The following DIAPH1 variants were observed in gnomAD, a reference collection of about 807,000 sequenced individuals.
DIAPH1 encodes the protein protein diaphanous homolog 1.
In DIAPH1, 46 loss-of-function variants were observed where a neutral mutation model predicts 140.7. That is an observed-to-expected ratio of 0.33 (90% CI 0.26 to 0.42). The LOEUF (loss-of-function observed/expected upper bound fraction) is 0.42. DIAPH1 is among the 10% of genes least tolerant of loss of function. DIAPH1 has a pLI of 1.00. For synonymous variants in DIAPH1, 565 were observed against 551.6 expected, an observed-to-expected ratio of 1.02 and a Z score of -0.34; for missense variants, 1,310 against 1,558.7, an observed-to-expected ratio of 0.84 and a Z score of 2.69.
chr5:141,598,741 G>A (rs1272609393), intron 1 of DIAPH1, among the ~76,000 whole-genome samples: 1 of 152,188 alleles, frequency 6.6e-6, no homozygotes, highest in East Asian at 1.9e-4. Flanking sequence ...TTTATTCCCT[G>A]TAAGGTCAAG....
At chr5:141,577,143 A>G (rs2099896079) in intron 12 of DIAPH1, among the ~76,000 whole-genome samples, 1 of 152,174 alleles carries the variant, frequency 6.6e-6, no homozygotes. Context: ...CCTTCCTGTG[A>G]TGGATAGTGC....
chr5:141,574,223 T>C lies in DIAPH1; in HGVS notation c.1642-15A>G. ...AGCTTGGCAACCTACAGAAATAACA[T>C]CAATGTGAGTACTTCTCACCCCACT... On this transcript the variant is annotated splice_polypyrimidine_tract_variant and intron_variant, in intron 15 of 27. Coordinates refer to ENST00000389054, the MANE Select transcript of DIAPH1 (RefSeq NM_005219.5). 13 of 1,613,786 alleles carry C rather than the reference T, an allele frequency of 8.1e-6. No homozygotes were observed. Among genetic ancestry groups the C allele is most frequent in the Non-Finnish European group, 1.1e-5 (13 of 1,179,900 alleles).
At chr5:141,613,187 C>G (rs1307093050) in intron 1 of DIAPH1, among the ~76,000 whole-genome samples, 1 of 152,162 alleles carries the variant, frequency 6.6e-6, no homozygotes, top group Non-Finnish European at 1.5e-5. Flanking sequence ...TAATTCAATT[C>G]CATTATGCTA....
intron 3 of DIAPH1, among the ~76,000 whole-genome samples, chr5:141,586,004 T>C (rs74765733): frequency 5.0e-4 from 76 of 152,352 alleles, no homozygotes; most frequent in Middle Eastern, 3.4e-3. Flanking sequence ...CTGGCACTAC[T>C]AGGCAAGTAT....
chr5:141,615,766 G>A (rs995567018), intron 1 of DIAPH1, among the ~76,000 whole-genome samples: 2 of 151,974 alleles, frequency 1.3e-5, no homozygotes, highest in East Asian at 1.9e-4. Context: ...AAAAATTCTC[G>A]CTAATGCTCC....
At chr5:141,518,648 T>G (rs1366160254) in intron 27 of DIAPH1, 1 of 357,500 alleles carries the variant, frequency 2.8e-6, no homozygotes, top group Non-Finnish European at 5.3e-6. Context: ...TCAGCCTCCC[T>G]AGTAGCTGGG....
chr5:141,560,699 ACT>A (rs2099893392), intron 18 of DIAPH1: 1 of 349,938 alleles, frequency 2.9e-6, no homozygotes, highest in Non-Finnish European at 5.7e-6. Flanking sequence ...CTAAATAAAT[ACT>A]GAGTAAACTG....
intron 7 of DIAPH1, 181 bp downstream of exon 7, chr5:141,582,131 G>A: frequency 5.4e-6 from 2 of 369,500 alleles, no homozygotes; most frequent in Non-Finnish European, 5.1e-6. Context: ...ACAGAAGTTA[G>A]AACTGAGAAA....
intron 18 of DIAPH1, among the ~76,000 whole-genome samples, chr5:141,544,497 C>T (rs893540767): frequency 6.6e-6 from 1 of 151,978 alleles, no homozygotes; most frequent in Non-Finnish European, 1.5e-5. Flanking sequence ...ATACCCAACA[C>T]AGATTAAAAA....
At chr5:141,580,280 C>T (rs908517205) in intron 8 of DIAPH1, among the ~76,000 whole-genome samples, 6 of 152,200 alleles carry the variant, frequency 3.9e-5, no homozygotes, top group South Asian at 4.1e-4. Flanking sequence ...ATCAAGGGAA[C>T]GCAATATGTT....
At chr5:141,568,666 G>T (rs1562316080) in intron 18 of DIAPH1, among the ~76,000 whole-genome samples, 1 of 152,116 alleles carries the variant, frequency 6.6e-6, no homozygotes, top group Non-Finnish European at 1.5e-5. Context: ...TTCACTACAG[G>T]AGGCAAATGT....
At chr5:141,617,592 T>C (rs1424094131) in intron 1 of DIAPH1, among the ~76,000 whole-genome samples, 1 of 152,156 alleles carries the variant, frequency 6.6e-6, no homozygotes, top group East Asian at 1.9e-4. Flanking sequence ...AAGCCATTTG[T>C]TTAGTAGAAA....
rs141975026 is a variant in DIAPH1 at position 141,561,250 on chromosome 5, G to C, written c.2482+10178C>G. ...CTAAGAAGAGTTGGGGTTATTGTAG[G>C]ATCAGGAGGAAAGAATGGTTCCATC... On this transcript the variant is annotated intron_variant, in intron 18 of 27. Transcript: ENST00000389054. 3.7e-3 allele frequency among the ~76,000 whole-genome samples: 570 copies of C among 152,220 alleles called. 5 individuals are homozygous for C. Among genetic ancestry groups the C allele is most frequent in the Admixed American group, 0.011 (164 of 15,280 alleles).
Position 141,516,872 on chromosome 5 carries a change from C to T in DIAPH1, c.3798G>A (p.Glu1266=). ...CACATTAGCTTGCACGGCCAACCAA[C>T]TCCTTGGCTTCCTCAAGGATTGTGG... ...TFPTILEEAK[E]LVGRAS The change falls in exon 28 of 28, where the codon GAG becomes GAA. Residue 1266 remains glutamate (E), a synonymous_variant. Coordinates refer to ENST00000389054, the MANE Select transcript of DIAPH1 (RefSeq NM_005219.5). The T allele has an allele frequency of 6.2e-7, 1 of 1,614,232 alleles. No individual in the cohort carries two copies. Among genetic ancestry groups the T allele is most frequent in the Non-Finnish European group, 8.5e-7 (1 of 1,180,044 alleles).
At chr5:141,575,406 C>T (rs937264211) in intron 14 of DIAPH1, among the ~76,000 whole-genome samples, 34 of 152,158 alleles carry the variant, frequency 2.2e-4, no homozygotes, top group Non-Finnish European at 2.1e-4. Context: ...CCCAGCACTT[C>T]GGGAGGCCGA....
At chr5:141,569,558 T>C (rs897909097) in intron 18 of DIAPH1, among the ~76,000 whole-genome samples, 3 of 150,816 alleles carry the variant, frequency 2.0e-5, no homozygotes, top group Non-Finnish European at 4.4e-5. Flanking sequence ...AGGTCAGGAG[T>C]TCAAGACCAG....
intron 11 of DIAPH1, chr5:141,577,848 A>G (rs1490069378): frequency 4.0e-6 from 2 of 499,348 alleles, no homozygotes; most frequent in East Asian, 3.9e-5. Context: ...TAGACAGAAA[A>G]TAAGAGGTAA....
chr5:141,550,162 G>T (rs1259864708), intron 18 of DIAPH1, among the ~76,000 whole-genome samples: 1 of 151,972 alleles, frequency 6.6e-6, no homozygotes, highest in Admixed American at 6.6e-5. Flanking sequence ...AAAAAGTTTA[G>T]TTCATCAGGA....
At chr5:141,597,476 G>A (rs2099899505) in intron 1 of DIAPH1, among the ~76,000 whole-genome samples, 1 of 152,194 alleles carries the variant, frequency 6.6e-6, no homozygotes. Context: ...TAAAAAATCT[G>A]TTCCCATATA....
Sources: allele counts gnomAD v4.1 joint callset (sites outside exome capture counted in the v4.1 genomes callset), GRCh38; gene constraint gnomAD v4.1.1; transcripts MANE v1.5; gene names NCBI Gene and HGNC (gene_info 2026-07-23, HGNC 2026-07-21).